MAX: variants seen among roughly 807,000 people sequenced by gnomAD.
MAX encodes protein max.
MAX carries 3 observed loss-of-function variants against 22.3 expected under a neutral mutation model. The ratio of observed to expected loss-of-function variants is 0.13; its 90% CI spans 0.06 to 0.35. The LOEUF is 0.35. Ranked by LOEUF, MAX falls within the 10% of genes least tolerant of loss-of-function variation. The probability of loss-of-function intolerance (pLI) is 1.00; values close to 1 mark genes in which losing one functional copy is unlikely to be tolerated. For missense variants in MAX, 119 were observed against 209.4 expected (o/e 0.57, Z 2.66); for synonymous variants, 72 against 77.7 (o/e 0.93, Z 0.39).
At chr14:65,083,624 G>T in intron 3 of MAX, 1 of 624,662 alleles carries the variant, frequency 1.6e-6, no homozygotes, top group Non-Finnish European at 2.0e-6. Flanking sequence ...TAACTCTACT[G>T]AACACTTTTC....
chr14:65,021,962 C>T (rs574101420), intron 3 of MAX: 15 of 455,968 alleles, frequency 3.3e-5, no homozygotes, highest in East Asian at 7.0e-5. Flanking sequence ...AGCCAACTTT[C>T]GACCTGACCA....
intron 3 of MAX, among the ~76,000 whole-genome samples, chr14:65,066,268 C>T (rs971720285): frequency 6.6e-6 from 1 of 152,220 alleles, no homozygotes; most frequent in Non-Finnish European, 1.5e-5. Flanking sequence ...AGTCCGTCTT[C>T]CCAGGAGCTG....
chr14:65,068,585 T>G (rs1029550601), intron 3 of MAX, among the ~76,000 whole-genome samples: 1 of 152,238 alleles, frequency 6.6e-6, no homozygotes, highest in African/African-American at 2.4e-5. Context: ...ATACTTCATA[T>G]TATGTTCCAA....
intron 3 of MAX, among the ~76,000 whole-genome samples, chr14:65,057,016 A>G (rs913665697): frequency 1.3e-5 from 2 of 152,176 alleles, no homozygotes; most frequent in African/African-American, 2.4e-5. Context: ...ATAACAGCCT[A>G]CCCTTGCAGG....
intron 3 of MAX, among the ~76,000 whole-genome samples, chr14:65,037,146 C>G (rs1167682394): frequency 2.0e-5 from 3 of 150,944 alleles, no homozygotes; most frequent in African/African-American, 7.3e-5. Context: ...TGTTGTTACC[C>G]GGGCTGGAGT....
At position 65,102,388 on chromosome 14, in the gene MAX, G is replaced by T; in HGVS notation, c.-49C>A. 1 of 1,601,756 alleles carries T rather than the reference G, an allele frequency of 6.2e-7. No individual in the cohort carries two copies. The highest frequency in any genetic ancestry group is 8.5e-7 in the Non-Finnish European group (1 of 1,174,550). On this transcript the variant is annotated 5_prime_UTR_variant, in exon 1 of 5. Coordinates refer to ENST00000358664, the MANE Select transcript of MAX (RefSeq NM_002382.5). ...ACTGCAGCGGCGGCGGGGAGGGGAA[G>T]GGGTGAAGGGGAGGGGGAAGTCACC... is the stretch of plus-strand genomic sequence containing the variant.
In MAX at chr14:65,083,722, GAA is replaced by G. The variant is rs1355987985; in HGVS notation, c.172-5688_172-5687del. 4.8e-6 allele frequency: 5 copies of G among 1,052,212 alleles called. 1 individual carries two copies. In the East Asian group the frequency reaches 2.8e-4, roughly 59 times the overall value. 65.2% of individuals were successfully genotyped at this position (1,052,212 alleles called of 1,614,324 possible). A position where few individuals can be genotyped will look rare whatever the true frequency, so the allele number is the denominator to read the frequency against. ...ACCAAAATGCCATATCTGGAGGGAT[GAA>G]AAAAGAGGTACTGCTGGACTCAACA... On this transcript the variant is annotated intron_variant, in intron 3 of 4. Coordinates refer to ENST00000358664, the MANE Select transcript of MAX (RefSeq NM_002382.5).
intron 2 of MAX, among the ~76,000 whole-genome samples, chr14:65,099,258 T>C (rs1488811792): frequency 2.0e-5 from 3 of 152,084 alleles, no homozygotes; most frequent in Non-Finnish European, 4.4e-5. Context: ...GTAATTACAT[T>C]GTGCAGAGTA....
At chr14:65,038,578 C>T (rs1467732635) in intron 3 of MAX, among the ~76,000 whole-genome samples, 6 of 146,670 alleles carry the variant, frequency 4.1e-5, no homozygotes, top group South Asian at 2.2e-4. Context: ...ATTAGCCGGG[C>T]GTGGTGGCAT....
At chr14:65,089,212 G>GCT (rs1397334191) in intron 3 of MAX, among the ~76,000 whole-genome samples, 1 of 152,002 alleles carries the variant, frequency 6.6e-6, no homozygotes, top group African/African-American at 2.4e-5. Context: ...GTTTCCTCTG[G>GCT]CTCTCTCTCT....
At chr14:65,086,279 G>C (rs1262340664) in intron 3 of MAX, among the ~76,000 whole-genome samples, 2 of 152,198 alleles carry the variant, frequency 1.3e-5, no homozygotes, top group Non-Finnish European at 2.9e-5. Flanking sequence ...TACCAGTAGA[G>C]TAGGGCACTG....
rs370773454 is a variant in MAX at position 65,029,092 on chromosome 14, C to T, written c.172-22808G>A. ...TTCTCCAGTAAGGCAGCTTGGTTCCCCTGCCAAGCACTGTAGCCATATTCT... is the reference window on the plus strand; with the variant it reads ...TTCTCCAGTAAGGCAGCTTGGTTCCTCTGCCAAGCACTGTAGCCATATTCT... On this transcript the variant is annotated intron_variant, in intron 3 of 3. Coordinates refer to the MAX transcript ENST00000341653. The surrounding 1 kb of genome is among the most constrained non-coding windows in gnomAD (Gnocchi z 4.7). Among the ~76,000 whole-genome samples, 321 of 152,242 alleles carry T rather than the reference C, an allele frequency of 2.1e-3. 1 individual carries two copies. The highest frequency in any genetic ancestry group is 7.3e-3 in the African/African-American group (304 of 41,538).
chr14:65,087,313 C>T (rs1478943187), intron 3 of MAX, among the ~76,000 whole-genome samples: 2 of 152,192 alleles, frequency 1.3e-5, no homozygotes, highest in African/African-American at 4.8e-5. Flanking sequence ...TGCCACCATC[C>T]TGCAGACCCC....
chr14:65,040,893 C>T (rs1302894757), intron 3 of MAX: 23 of 1,613,760 alleles, frequency 1.4e-5, no homozygotes, highest in Non-Finnish European at 1.7e-5. Context: ...CAAGAGGGAA[C>T]GTTCCTTGAA....
chr14:65,010,486 G>A (rs891477763), intron 3 of MAX, among the ~76,000 whole-genome samples: 1 of 152,148 alleles, frequency 6.6e-6, no homozygotes, highest in Non-Finnish European at 1.5e-5. Flanking sequence ...AGCTGATCAC[G>A]GGTCACACAC....
chr14:65,039,601 T>C (rs954403783), intron 3 of MAX, among the ~76,000 whole-genome samples: 11 of 152,138 alleles, frequency 7.2e-5, no homozygotes, highest in Non-Finnish European at 8.8e-5. Context: ...CCCATCCCTA[T>C]CCTTTGGGTA....
At chr14:65,091,185 C>A (rs546030559) in intron 3 of MAX, among the ~76,000 whole-genome samples, 44 of 152,192 alleles carry the variant, frequency 2.9e-4, no homozygotes, top group Admixed American at 7.8e-4. Context: ...TAAGAATGAG[C>A]CTATTTCCTT....
At chr14:65,016,937 T>A (rs578083864) in intron 3 of MAX, among the ~76,000 whole-genome samples, 148 of 150,056 alleles carry the variant, frequency 9.9e-4, no homozygotes, top group Non-Finnish European at 1.8e-3. Flanking sequence ...TTTTTTTTTT[T>A]TTTGAGACAG....
chr14:65,065,900 G>A (rs899550274), intron 3 of MAX, among the ~76,000 whole-genome samples: 4 of 152,144 alleles, frequency 2.6e-5, no homozygotes, highest in Non-Finnish European at 5.9e-5. Flanking sequence ...TTTTACAACT[G>A]GAGAAACAGG....
Sources: gnomAD v4.1 joint callset for allele counts (sites outside exome capture counted in the v4.1 genomes callset) on GRCh38, gnomAD v4.1.1 for gene constraint, Gnocchi (gnomAD v3.1) non-coding constraint, MANE v1.5 for transcripts, NCBI Gene and HGNC (gene_info 2026-07-23, HGNC 2026-07-21) for gene names.